DLGAP4: variants seen among roughly 807,000 people sequenced by gnomAD.
The protein encoded by DLGAP4 is disks large-associated protein 4.
DLGAP4 carries 18 observed loss-of-function variants against 86.9 expected under a neutral mutation model. The ratio of observed to expected loss-of-function variants is 0.21; its 90% CI spans 0.14 to 0.31. The LOEUF (loss-of-function observed/expected upper bound fraction) is 0.31. Among genes scored for constraint, DLGAP4 ranks in the 10% least tolerant of loss-of-function variants. DLGAP4 has a pLI of 1.00. For synonymous variants in DLGAP4, 548 were observed against 574.3 expected (o/e 0.95, Z 0.65); for missense variants, 1,085 against 1,362.6 (o/e 0.80, Z 3.21).
intron 7 of DLGAP4, chr20:36,461,956 A>G (rs1300559119): frequency 6.1e-6 from 6 of 983,284 alleles, no homozygotes; most frequent in East Asian, 1.1e-4. Flanking sequence ...TTTCTGGGCG[A>G]CCCCACTCTT....
intron 2 of DLGAP4, among the ~76,000 whole-genome samples, chr20:36,408,321 C>T (rs1051332182): frequency 1.3e-5 from 2 of 151,860 alleles, no homozygotes; most frequent in African/African-American, 2.4e-5. Context: ...GGCTCAGCTC[C>T]GCTAAAGACC....
chr20:36,375,526 C>T (rs1273332413), intron 2 of DLGAP4, among the ~76,000 whole-genome samples: 1 of 152,168 alleles, frequency 6.6e-6, no homozygotes, highest in Non-Finnish European at 1.5e-5. Flanking sequence ...ATCAGAGCTG[C>T]CCCTGCCCAG....
At chr20:36,487,813 A>G (rs949618177) in intron 7 of DLGAP4, among the ~76,000 whole-genome samples, 3 of 152,202 alleles carry the variant, frequency 2.0e-5, no homozygotes, top group Non-Finnish European at 4.4e-5. Context: ...CCCCAAGATC[A>G]AAAAATACCT....
At chr20:36,318,106 T>TCA (rs1156543199) in intron 1 of DLGAP4, among the ~76,000 whole-genome samples, 4,077 of 139,070 alleles carry the variant, frequency 0.029, 119 homozygotes, top group African/African-American at 0.081. Flanking sequence ...ATGTGTCCTC[T>TCA]CACACACACA....
intron 2 of DLGAP4, among the ~76,000 whole-genome samples, chr20:36,381,999 T>G (rs907131613): frequency 6.6e-6 from 1 of 152,042 alleles, no homozygotes; most frequent in Admixed American, 6.5e-5. Flanking sequence ...TCTGGCAGCT[T>G]GTTGACAGCT....
chr20:36,476,289 T>A (rs570817621), intron 7 of DLGAP4, among the ~76,000 whole-genome samples: 1 of 151,126 alleles, frequency 6.6e-6, no homozygotes, highest in Non-Finnish European at 1.5e-5. Flanking sequence ...AACTCCCCAT[T>A]ACCCCCTTGC....
chr20:36,373,554 G>A (rs994686463), intron 2 of DLGAP4, among the ~76,000 whole-genome samples: 2 of 152,044 alleles, frequency 1.3e-5, no homozygotes, highest in Non-Finnish European at 2.9e-5. Flanking sequence ...CTGGGGGTGG[G>A]GTCAATACCA....
chr20:36,428,293 G>T (rs540642685), intron 2 of DLGAP4, among the ~76,000 whole-genome samples: 1 of 152,144 alleles, frequency 6.6e-6, no homozygotes, highest in Non-Finnish European at 1.5e-5. Context: ...TTTCCCAGTC[G>T]CACTAGCTGC....
chr20:36,419,207 C>T (rs763658685), intron 2 of DLGAP4, among the ~76,000 whole-genome samples: 2 of 151,828 alleles, frequency 1.3e-5, no homozygotes, highest in African/African-American at 2.4e-5. Flanking sequence ...ACTGTAGTCT[C>T]GACCTCCTTG....
intron 10 of DLGAP4, among the ~76,000 whole-genome samples, chr20:36,509,405 T>C (rs2036562045): frequency 6.6e-6 from 1 of 151,998 alleles, no homozygotes; most frequent in South Asian, 2.1e-4. Flanking sequence ...ACCCCGTCTC[T>C]ACTGAAAATA....
In DLGAP4 at chr20:36,500,614, G is replaced by T; in HGVS notation, c.2512+3G>T. 1 of 1,488,732 alleles carries T rather than the reference G, an allele frequency of 6.7e-7. No homozygotes were observed. The highest frequency in any genetic ancestry group is 8.9e-7 in the Non-Finnish European group (1 of 1,118,990). The allele number at this position is 1,488,732 out of a possible 1,614,324, so 92.2% of individuals were successfully genotyped here. ...AGAGAACAACCTCTCTGAAGAAGGT[G>T]GGTGCCACATGGATGGTCCTTGGGC... On this transcript the variant is annotated splice_donor_region_variant and intron_variant, in intron 10 of 12. Coordinates refer to ENST00000339266, the MANE Select transcript of DLGAP4 (RefSeq NM_001365621.2). The surrounding 1 kb of genome is among the most constrained non-coding windows in gnomAD (Gnocchi z 4.6).
At chr20:36,321,892 G>A (rs1232444412) in intron 1 of DLGAP4, among the ~76,000 whole-genome samples, 3 of 152,312 alleles carry the variant, frequency 2.0e-5, no homozygotes, top group Admixed American at 6.5e-5. Context: ...CCTTCCAGAG[G>A]TTTCTCCAAG....
At chr20:36,497,687 C>T (rs1299319653) in intron 8 of DLGAP4, 6 of 975,128 alleles carry the variant, frequency 6.2e-6, no homozygotes, top group South Asian at 9.5e-5. Context: ...AGGGTCCAGG[C>T]GATGGTTCCC....
chr20:36,476,331 TTTTTTTTTTTTTTG>T (rs987408400), intron 7 of DLGAP4, among the ~76,000 whole-genome samples: 12 of 135,242 alleles, frequency 8.9e-5, no homozygotes, highest in African/African-American at 3.5e-4. Flanking sequence ...TTTTTTTTTT[TTTTTTTTTTTTTTG>T]GAGACACAGT....
chr20:36,525,711 A>G (rs930930147), intron 11 of DLGAP4, 140 bp from the exon 12 acceptor site: 2 of 1,131,798 alleles, frequency 1.8e-6, no homozygotes, highest in East Asian at 2.4e-5. Flanking sequence ...TCATTCATAC[A>G]GATACTTACC....
intron 7 of DLGAP4, among the ~76,000 whole-genome samples, chr20:36,447,952 C>G (rs2033641521): frequency 7.2e-6 from 1 of 139,576 alleles, no homozygotes; most frequent in Non-Finnish European, 1.5e-5. Context: ...ATATCTAATG[C>G]ATGTGGGGTT....
chr20:36,392,273 T>G (rs2031809534), intron 2 of DLGAP4, among the ~76,000 whole-genome samples: 1 of 152,050 alleles, frequency 6.6e-6, no homozygotes, highest in Admixed American at 6.6e-5. Context: ...ATGCGTTGAG[T>G]CTCAGATGTC....
At chr20:36,410,061 C>G (rs1447700770) in intron 2 of DLGAP4, among the ~76,000 whole-genome samples, 2 of 151,882 alleles carry the variant, frequency 1.3e-5, no homozygotes, top group African/African-American at 2.4e-5. Context: ...AGTACTCCTC[C>G]TACTCTTTCT....
intron 8 of DLGAP4, chr20:36,499,368 TGCCC>T (rs750985098): frequency 1.7e-4 from 165 of 959,564 alleles, no homozygotes; most frequent in Non-Finnish European, 1.9e-4. Context: ...CCCGCCCACC[TGCCC>T]GCCCGCCCGC....
Sources: gnomAD v4.1 joint callset for allele counts (sites outside exome capture counted in the v4.1 genomes callset) on GRCh38, gnomAD v4.1.1 for gene constraint, Gnocchi (gnomAD v3.1) non-coding constraint, MANE v1.5 for transcripts, NCBI Gene and HGNC (gene_info 2026-07-23, HGNC 2026-07-21) for gene names.